LIPI: variants seen among roughly 807,000 people sequenced by gnomAD.
LIPI encodes lipase member I.
In LIPI, 59 loss-of-function variants were observed where a neutral mutation model predicts 50.6. That is an observed-to-expected ratio of 1.16 (90% confidence interval 0.94 to 1.45). LIPI has a LOEUF of 1.45. Ranked by LOEUF, LIPI falls within the 40% of genes most tolerant of loss-of-function variation. The pLI is 0.00. For synonymous variants in LIPI, 203 were observed against 178.2 expected, an observed-to-expected ratio of 1.14 and a Z score of -1.11; for missense variants, 586 against 536.3, an observed-to-expected ratio of 1.09 and a Z score of -0.92.
intron 9 of LIPI, among the ~76,000 whole-genome samples, chr21:14,118,742 G>A (rs1461261322): frequency 2.6e-5 from 4 of 152,190 alleles, no homozygotes; most frequent in African/African-American, 9.7e-5. Context: ...CCCGGGGCTG[G>A]TAGTGAATCA....
intron 4 of LIPI, among the ~76,000 whole-genome samples, chr21:14,170,243 G>A (rs1347514680): frequency 2.0e-5 from 3 of 152,130 alleles, no homozygotes; most frequent in East Asian, 1.9e-4. Flanking sequence ...ACCAAAAAGA[G>A]TCCAGGACCA....
chr21:14,144,746 T>A lies in LIPI; in HGVS notation c.1172A>T (p.Tyr391Phe), dbSNP rs1332813131. Residue 391 changes from tyrosine (Y) to phenylalanine (F), a missense_variant, in exon 9 of 10, where the codon TAT becomes TTT. By Grantham distance (22) the Tyr-to-Phe change is conservative. Transcript: ENST00000681601. ...LQEVKILAQF[Y>F]NDFVNISSIG... ...GCTTGAAATATTTACAAAGTCATTA[T>A]AAAATTGAGCAAGAATCTTGACTTC... is the stretch of plus-strand genomic sequence containing the variant. The A allele has an allele frequency of 6.3e-7, 1 of 1,585,008 alleles. No homozygotes were observed. Among genetic ancestry groups the A allele is most frequent in the African/African-American group, 1.3e-5 (1 of 74,344 alleles).
intron 9 of LIPI, among the ~76,000 whole-genome samples, chr21:14,118,874 A>G (rs1175084931): frequency 1.3e-5 from 2 of 152,196 alleles, no homozygotes; most frequent in Non-Finnish European, 1.5e-5. Flanking sequence ...TGAATTTGGA[A>G]TAATAGAGAG....
intron 9 of LIPI, among the ~76,000 whole-genome samples, chr21:14,122,910 T>C (rs951485405): frequency 6.6e-6 from 1 of 152,210 alleles, no homozygotes; most frequent in Non-Finnish European, 1.5e-5. Context: ...TTTCAGATCC[T>C]TCAATAAACA....
chr21:14,167,153 C>T (rs2018717932), intron 4 of LIPI, among the ~76,000 whole-genome samples: 1 of 152,188 alleles, frequency 6.6e-6, no homozygotes, highest in African/African-American at 2.4e-5. Flanking sequence ...GGCAGCAAGG[C>T]TGGGGGAGGG....
chr21:14,182,783 G>A (rs1207518279), intron 3 of LIPI, among the ~76,000 whole-genome samples: 1 of 151,806 alleles, frequency 6.6e-6, no homozygotes, highest in African/African-American at 2.4e-5. Context: ...ACTTACAAGG[G>A]ATGTGAAGGA....
At chr21:14,162,118 A>G (rs1249818369) in intron 7 of LIPI, among the ~76,000 whole-genome samples, 1 of 150,462 alleles carries the variant, frequency 6.6e-6, no homozygotes, top group Admixed American at 6.7e-5. Context: ...ATATCTCTGG[A>G]TATATTACTA....
At chr21:14,144,973 A>G (rs2017850273) in intron 8 of LIPI, among the ~76,000 whole-genome samples, 174 bp from the exon 9 acceptor site, 1 of 152,202 alleles carries the variant, frequency 6.6e-6, no homozygotes. Flanking sequence ...TTTATAACAG[A>G]ACAAAATAAT....
intron 7 of LIPI, among the ~76,000 whole-genome samples, chr21:14,161,002 A>C (rs1018519051): frequency 2.0e-5 from 3 of 151,500 alleles, no homozygotes; most frequent in African/African-American, 7.2e-5. Context: ...CGGAAAAATT[A>C]GATCACTTAT....
At chr21:14,204,098 G>C (rs2020156398) in intron 1 of LIPI, among the ~76,000 whole-genome samples, 1 of 151,984 alleles carries the variant, frequency 6.6e-6, no homozygotes, top group South Asian at 2.1e-4. Flanking sequence ...GGGGGTTATG[G>C]GGAGCGAGAG....
chr21:14,196,138 T>TA (rs397763112), intron 1 of LIPI, among the ~76,000 whole-genome samples: 1 of 141,222 alleles, frequency 7.1e-6, no homozygotes, highest in Non-Finnish European at 1.5e-5. Context: ...TTTTTTTTTT[T>TA]ACATGACACC....
At chr21:14,117,013 C>T (rs1281467489) in intron 9 of LIPI, among the ~76,000 whole-genome samples, 1 of 152,016 alleles carries the variant, frequency 6.6e-6, no homozygotes, top group Non-Finnish European at 1.5e-5. Context: ...GAGGAGAGTA[C>T]CCCCCAAACT....
At chr21:14,123,920 T>C (rs1756105361) in intron 9 of LIPI, among the ~76,000 whole-genome samples, 1 of 152,136 alleles carries the variant, frequency 6.6e-6, no homozygotes, top group South Asian at 2.1e-4. Context: ...CAACTGTTCC[T>C]CACAAATCAA....
At chr21:14,115,825 C>T (rs2016608263) in intron 9 of LIPI, among the ~76,000 whole-genome samples, 1 of 152,148 alleles carries the variant, frequency 6.6e-6, no homozygotes, top group African/African-American at 2.4e-5. Flanking sequence ...GATCACCTCC[C>T]AGGGAACGAC....
At chr21:14,193,046 T>C (rs528534106) in intron 1 of LIPI, among the ~76,000 whole-genome samples, 1 of 152,220 alleles carries the variant, frequency 6.6e-6, no homozygotes, top group Non-Finnish European at 1.5e-5. Context: ...TATGAATGCA[T>C]GTTAATGGGT....
chr21:14,136,733 C>T (rs984599216), intron 9 of LIPI, among the ~76,000 whole-genome samples: 1 of 152,048 alleles, frequency 6.6e-6, no homozygotes, highest in South Asian at 2.1e-4. Context: ...TAGGCAGTTT[C>T]CAGGGAGGAG....
intron 7 of LIPI, 148 bp downstream of exon 7, chr21:14,163,271 T>C (rs2018557007): frequency 1.8e-6 from 1 of 554,772 alleles, no homozygotes; most frequent in South Asian, 2.4e-5. Context: ...CTTAGTTGAA[T>C]TTGTCCCACT....
intron 1 of LIPI, among the ~76,000 whole-genome samples, chr21:14,203,715 A>G (rs1294388004): frequency 1.4e-4 from 21 of 152,068 alleles, no homozygotes; most frequent in Admixed American, 1.4e-3. Flanking sequence ...GGATAGCATT[A>G]GGAGATATAC....
chr21:14,192,591 T>C (rs1047640390), intron 1 of LIPI, among the ~76,000 whole-genome samples: 3 of 152,128 alleles, frequency 2.0e-5, no homozygotes, highest in African/African-American at 7.2e-5. Flanking sequence ...GATTTAGGAA[T>C]AGAAAGAAAA....
Sources: allele counts gnomAD v4.1 joint callset (sites outside exome capture counted in the v4.1 genomes callset), GRCh38; gene constraint gnomAD v4.1.1; transcripts MANE v1.5; gene names NCBI Gene and HGNC (gene_info 2026-07-23, HGNC 2026-07-21).